Variants in ECE1 observed in about 807,000 individuals in gnomAD.
The protein encoded by ECE1 is endothelin-converting enzyme 1.
Under a neutral mutation model 98.6 loss-of-function variants are expected in ECE1, and 35 were observed. The ratio of observed to expected loss-of-function variants is 0.35; its 90% CI spans 0.27 to 0.47. The LOEUF is 0.47. ECE1 is among the 20% of genes least tolerant of loss of function. The pLI is 1.00. For synonymous variants in ECE1, 394 were observed against 407.1 expected, an observed-to-expected ratio of 0.97 and a Z score of 0.39; for missense variants, 814 against 1,025.3, an observed-to-expected ratio of 0.79 and a Z score of 2.81.
intron 4 of ECE1, among the ~76,000 whole-genome samples, chr1:21,271,751 A>T (rs909545289): frequency 1.3e-5 from 2 of 152,108 alleles, no homozygotes; most frequent in African/African-American, 4.8e-5. Context: ...GTGGAGCTCT[A>T]ATCTGAGGAA....
At chr1:21,333,352 G>T (rs1177257500) in intron 1 of ECE1, among the ~76,000 whole-genome samples, 1 of 148,688 alleles carries the variant, frequency 6.7e-6, no homozygotes, top group Admixed American at 6.9e-5. Flanking sequence ...GCGGGGGGGT[G>T]GGTGGGTAGT....
intron 1 of ECE1, among the ~76,000 whole-genome samples, chr1:21,315,310 C>G (rs116521805): frequency 6.6e-6 from 1 of 152,198 alleles, no homozygotes; most frequent in Non-Finnish European, 1.5e-5. Context: ...CAGCTGAATC[C>G]GATGCCTACT....
chr1:21,248,476 G>A (rs1455056624), intron 8 of ECE1, among the ~76,000 whole-genome samples: 3 of 151,600 alleles, frequency 2.0e-5, no homozygotes, highest in African/African-American at 7.3e-5. Flanking sequence ...ACCCAGCCTG[G>A]TCTGCTCTAT....
At chr1:21,312,162 G>A (rs1331641928) in intron 1 of ECE1, among the ~76,000 whole-genome samples, 1 of 148,786 alleles carries the variant, frequency 6.7e-6, no homozygotes, top group African/African-American at 2.5e-5. Context: ...AATTAGTCTG[G>A]TGTGGTGGCA....
rs1290201153 is a variant in ECE1, at chr1:21,220,737, A to G, written c.2137-606T>C. On this transcript the variant is annotated intron_variant, in intron 18 of 18. Coordinates refer to ENST00000374893, the MANE Select transcript of ECE1 (RefSeq NM_001397.3). This position sits in a 1 kb window ranked among gnomAD's most constrained non-coding sequence, Gnocchi z 5.0. ...CTTGAACCCGGGAGGTTGAGGTTGC[A>G]GTGAGCCAAGATCACACCATTGCAC... Among the ~76,000 whole-genome samples the G allele has an allele frequency of 1.3e-5, 2 of 152,162 alleles. No individual in the cohort carries two copies. Among genetic ancestry groups the G allele is most frequent in the Non-Finnish European group, 1.5e-5 (1 of 68,022 alleles).
At chr1:21,238,340 TGTTCTGGAA>T in intron 10 of ECE1, 96 bp from the exon 11 acceptor site, 1 of 999,304 alleles carries the variant, frequency 1.0e-6, no homozygotes, top group Non-Finnish European at 1.5e-6. Flanking sequence ...GCCCATGCTT[TGTTCTGGAA>T]GTTCAGGGAG....
chr1:21,297,471 G>A (rs1422258185), intron 1 of ECE1, among the ~76,000 whole-genome samples: 1 of 151,076 alleles, frequency 6.6e-6, no homozygotes, highest in African/African-American at 2.4e-5. Context: ...TCCTACTGTA[G>A]CTCCCTTTAG....
chr1:21,229,446 T>C (rs1423713485), intron 14 of ECE1, among the ~76,000 whole-genome samples: 1 of 152,084 alleles, frequency 6.6e-6, no homozygotes, highest in African/African-American at 2.4e-5. Context: ...ACTTTTAGGA[T>C]GACTGGTAAA....
Position 21,225,024 on chromosome 1 carries a change from G to C in ECE1, c.2040+226C>G, listed in dbSNP as rs2098172034. Among the ~76,000 whole-genome samples, 1 of 152,230 alleles carries C rather than the reference G, an allele frequency of 6.6e-6. No homozygotes were observed. Among genetic ancestry groups the C allele is most frequent in the Admixed American group, 6.5e-5 (1 of 15,284 alleles). On this transcript the variant is annotated intron_variant, in intron 17 of 18. Coordinates refer to ENST00000374893, the MANE Select transcript of ECE1 (RefSeq NM_001397.3). This position sits in a 1 kb window ranked among gnomAD's most constrained non-coding sequence, Gnocchi z 5.3. The stretch of plus-strand genomic sequence containing the variant: ...CGAGCCCCTTCCTGTGTCTTTGTCA[G>C]GCCAGACTCAGAGCACAAAGCCTTC...
chr1:21,260,879 G>C lies in ECE1; in HGVS notation c.494-487C>G, dbSNP rs538471598. The stretch of plus-strand genomic sequence containing the variant: ...TTACTTTTTGCTTCCTCCTTGGAGG[G>C]GCTAGGCACGTTCACCAGGCTTACA... On this transcript the variant is annotated intron_variant, in intron 4 of 18. Coordinates refer to ENST00000374893, the MANE Select transcript of ECE1 (RefSeq NM_001397.3). The surrounding 1 kb of genome is among the most constrained non-coding windows in gnomAD (Gnocchi z 4.3). Among the ~76,000 whole-genome samples the C allele has an allele frequency of 9.8e-5, 15 of 152,300 alleles. No homozygotes were observed. Among genetic ancestry groups the C allele is most frequent in the African/African-American group, 3.4e-4 (14 of 41,550 alleles).
rs1638902921 is a variant in ECE1, at chr1:21,319,002, T to C, written c.3+26374A>G. 6.6e-6 allele frequency among the ~76,000 whole-genome samples: 1 copy of C among 152,198 alleles called. No homozygotes were observed. Among genetic ancestry groups the C allele is most frequent in the South Asian group, 2.1e-4 (1 of 4,830 alleles). ...AAATTCTGTGGGTTTTCAGTGGAGC[T>C]GGGTCTGTACAATCTCCCGGGCTCC... On this transcript the variant is annotated intron_variant, in intron 1 of 18. Coordinates refer to the ECE1 transcript ENST00000415912. The surrounding 1 kb of genome is among the most constrained non-coding windows in gnomAD (Gnocchi z 4.4).
rs2098165191 is a variant in ECE1 at position 21,219,897 on chromosome 1, T to C, written c.*58A>G. 1.2e-6 allele frequency: 2 copies of C among 1,603,920 alleles called. No individual in the cohort carries two copies. Among genetic ancestry groups the C allele is most frequent in the Non-Finnish European group, 1.7e-6 (2 of 1,174,284 alleles). ...GCTGAGCAATGCCCTGGAGGCTGGA[T>C]GGGGGTCTCGTCCTCAGCCCCTTCC... On this transcript the variant is annotated 3_prime_UTR_variant, in exon 19 of 19. Transcript: ENST00000374893. The surrounding 1 kb of genome is among the most constrained non-coding windows in gnomAD (Gnocchi z 4.5).
chr1:21,317,650 C>T (rs369922912), intron 1 of ECE1, among the ~76,000 whole-genome samples: 1 of 152,190 alleles, frequency 6.6e-6, no homozygotes, highest in East Asian at 1.9e-4. Flanking sequence ...GGCAGCCACA[C>T]CCTCCCCTCT....
chr1:21,260,271 C>T lies in ECE1; in HGVS notation c.615G>A (p.Arg205=), dbSNP rs1229873388. ...RAKPLMELIE[R]LGGWNITGPW... is the part of the protein sequence containing the mutation. ...GGGAGGGAGAGCCCGAGGCACTCAC[C>T]CTCTCAATCAACTCCATTAGAGGTT... The change falls in exon 5 of 19, where the codon AGG becomes AGA. Residue 205 remains arginine (R), a splice_region_variant and synonymous_variant. Transcript: ENST00000374893. The surrounding 1 kb of genome is among the most constrained non-coding windows in gnomAD (Gnocchi z 4.3). 8 of 1,614,248 alleles carry T rather than the reference C, an allele frequency of 5.0e-6. No individual in the cohort carries two copies. Among genetic ancestry groups the T allele is most frequent in the Non-Finnish European group, 6.8e-6 (8 of 1,180,052 alleles).
rs368299824 is a variant in ECE1 at position 21,283,328 on chromosome 1, T to C, written c.139-3996A>G. 1.8e-3 allele frequency among the ~76,000 whole-genome samples: 280 copies of C among 151,946 alleles called. 1 individual carries two copies. Among genetic ancestry groups the C allele is most frequent in the African/African-American group, 5.9e-3 (245 of 41,436 alleles). ...CTGTGTCGCCCAGGCTGGAGTGCAGTGGAGAGGTCTCTGTTCACTGCAACC... is the reference window on the plus strand; with the variant it reads ...CTGTGTCGCCCAGGCTGGAGTGCAGCGGAGAGGTCTCTGTTCACTGCAACC... On this transcript the variant is annotated intron_variant, in intron 2 of 18. Coordinates refer to ENST00000374893, the MANE Select transcript of ECE1 (RefSeq NM_001397.3).
intron 2 of ECE1, among the ~76,000 whole-genome samples, chr1:21,289,123 T>C (rs2098263713): frequency 6.6e-6 from 1 of 151,576 alleles, no homozygotes; most frequent in Non-Finnish European, 1.5e-5. Context: ...TTGGGAAGAG[T>C]TGTGTGCCAG....
At chr1:21,335,780 C>T (rs1428225002) in intron 1 of ECE1, among the ~76,000 whole-genome samples, 1 of 152,218 alleles carries the variant, frequency 6.6e-6, no homozygotes, top group Non-Finnish European at 1.5e-5. Flanking sequence ...ACACCAGGAG[C>T]AAAGGCTCCC....
intron 13 of ECE1, among the ~76,000 whole-genome samples, chr1:21,235,000 A>G (rs1232852116): frequency 1.3e-5 from 2 of 152,210 alleles, no homozygotes; most frequent in African/African-American, 2.4e-5. Flanking sequence ...AAATATAACC[A>G]TGACGAGAGG....
intron 4 of ECE1, among the ~76,000 whole-genome samples, chr1:21,264,245 G>A (rs2098230850): frequency 6.6e-6 from 1 of 152,048 alleles, no homozygotes; most frequent in African/African-American, 2.4e-5. Context: ...CCTGGTCTGG[G>A]GAGTCTGTAG....
Sources: allele counts gnomAD v4.1 joint callset (sites outside exome capture counted in the v4.1 genomes callset), GRCh38; gene constraint gnomAD v4.1.1; non-coding constraint Gnocchi (gnomAD v3.1); transcripts MANE v1.5; gene names NCBI Gene and HGNC (gene_info 2026-07-23, HGNC 2026-07-21).